Variants in DGLUCY observed in about 807,000 individuals in gnomAD.
The protein encoded by DGLUCY is D-glutamate cyclase.
In DGLUCY, 58 loss-of-function variants were observed where a neutral mutation model predicts 58.5. The observed-to-expected ratio is 0.99, with a 90% CI of 0.80 to 1.23. The LOEUF (loss-of-function observed/expected upper bound fraction) is 1.23, where lower values mean the gene tolerates loss of function less well. Among genes scored for constraint, DGLUCY ranks in the 50% most tolerant of loss-of-function variants. The pLI is 0.00. For missense variants in DGLUCY, 779 were observed against 784.7 expected (o/e 0.99, Z 0.09); for synonymous variants, 325 against 314.1 (o/e 1.03, Z -0.37).
At chr14:91,097,281 A>G (rs1372542482) in intron 1 of DGLUCY, among the ~76,000 whole-genome samples, 4 of 152,146 alleles carry the variant, frequency 2.6e-5, no homozygotes, top group Non-Finnish European at 4.4e-5. Context: ...CTGTGGTCCC[A>G]GCTACTTGGG....
At chr14:91,197,463 G>A (rs576561646) in intron 10 of DGLUCY, among the ~76,000 whole-genome samples, 2 of 152,272 alleles carry the variant, frequency 1.3e-5, no homozygotes, top group African/African-American at 4.8e-5. Flanking sequence ...TCACATTGCT[G>A]TACAGCCATC....
At chr14:91,119,150 C>G (rs527948730) in intron 1 of DGLUCY, among the ~76,000 whole-genome samples, 75 of 152,166 alleles carry the variant, frequency 4.9e-4, no homozygotes, top group African/African-American at 1.6e-3. Flanking sequence ...AATGGTCAGT[C>G]CAGGACAGGC....
rs952533205 is a variant in DGLUCY at position 91,175,889 on chromosome 14, G to A, written c.608-45G>A. 7 of 1,608,684 alleles carry A rather than the reference G, an allele frequency of 4.4e-6. No homozygotes were observed. In the African/African-American group the frequency reaches 9.4e-5, roughly 21 times the overall value. On this transcript the variant is annotated intron_variant, in intron 6 of 13. Coordinates refer to ENST00000256324, the MANE Select transcript of DGLUCY (RefSeq NM_001102368.3). Reference sequence around the variant, plus strand: ...TAAACTACTCAACCAGTTCTAATTGGATGCTCCCTGCTGAGGAAATTACAT... The same window carrying A: ...TAAACTACTCAACCAGTTCTAATTGAATGCTCCCTGCTGAGGAAATTACAT...
At chr14:91,108,526 T>TGTGTGTGTGTGTGAGA (rs1265665234) in intron 1 of DGLUCY, among the ~76,000 whole-genome samples, 37 of 52,174 alleles carry the variant, frequency 7.1e-4, no homozygotes, top group Non-Finnish European at 8.3e-4. Context: ...TGTGTGTGTG[T>TGTGTGTGTGTGTGAGA]GAGAGAGAGA....
At chr14:91,132,559 A>G (rs1312481997) in intron 1 of DGLUCY, among the ~76,000 whole-genome samples, 1 of 151,046 alleles carries the variant, frequency 6.6e-6, no homozygotes, top group Admixed American at 6.6e-5. Flanking sequence ...GCTCACCGCA[A>G]CCTCCACCTC....
chr14:91,171,429 C>T (rs887800308), intron 5 of DGLUCY, among the ~76,000 whole-genome samples: 4 of 152,230 alleles, frequency 2.6e-5, no homozygotes, highest in Admixed American at 1.3e-4. Flanking sequence ...AGTCTAATAT[C>T]GACACCTCTG....
chr14:91,082,994 G>C (rs112702439), intron 1 of DGLUCY, among the ~76,000 whole-genome samples: 2,170 of 152,248 alleles, frequency 0.014, 47 homozygotes, highest in African/African-American at 0.05. Flanking sequence ...CTGAGCTCAA[G>C]TGATCCTCCT....
chr14:91,074,133 A>ACC, intron 1 of DGLUCY, among the ~76,000 whole-genome samples: 1 of 135,796 alleles, frequency 7.4e-6, no homozygotes, highest in Non-Finnish European at 1.5e-5. Flanking sequence ...ACACACACAC[A>ACC]CACACACACA....
At chr14:91,152,361 G>A (rs1050308034) in intron 1 of DGLUCY, among the ~76,000 whole-genome samples, 1 of 151,986 alleles carries the variant, frequency 6.6e-6, no homozygotes, top group African/African-American at 2.4e-5. Context: ...TGCACTACCT[G>A]CACTCCAGCC....
chr14:91,108,546 A>AGAGG (rs1419972498), intron 1 of DGLUCY, among the ~76,000 whole-genome samples: 1 of 149,284 alleles, frequency 6.7e-6, no homozygotes, highest in Non-Finnish European at 1.5e-5. Context: ...AGAGAGAGAG[A>AGAGG]GAGAGAGAGA....
intron 2 of DGLUCY, among the ~76,000 whole-genome samples, chr14:91,159,800 C>T (rs2047876033): frequency 1.3e-5 from 2 of 152,182 alleles, no homozygotes; most frequent in Admixed American, 6.5e-5. Flanking sequence ...GTTCATTCAA[C>T]TGTGTGTATT....
chr14:91,093,923 G>A (rs2044352335), intron 1 of DGLUCY, among the ~76,000 whole-genome samples: 1 of 152,068 alleles, frequency 6.6e-6, no homozygotes, highest in Non-Finnish European at 1.5e-5. Flanking sequence ...ATAGAGGGAG[G>A]AGGCAGATCA....
intron 11 of DGLUCY, among the ~76,000 whole-genome samples, chr14:91,201,980 A>C (rs1370233298): frequency 1.3e-5 from 2 of 151,724 alleles, no homozygotes; most frequent in African/African-American, 4.8e-5. Context: ...GCTTGAACCC[A>C]GGAGGTGGAA....
chr14:91,111,818 A>G (rs1052894518), upstream of DGLUCY, among the ~76,000 whole-genome samples: 3 of 152,246 alleles, frequency 2.0e-5, no homozygotes, highest in African/African-American at 7.2e-5. Context: ...ATGTTGTAGC[A>G]TGTATAGGAA....
At chr14:91,084,496 C>T (rs112027443) in intron 1 of DGLUCY, among the ~76,000 whole-genome samples, 2,464 of 152,210 alleles carry the variant, frequency 0.016, 29 homozygotes, top group Non-Finnish European at 0.025. Flanking sequence ...TGAGCCACCA[C>T]GCCCAGCCCA....
At chr14:91,093,198 T>C (rs905017931) in intron 1 of DGLUCY, among the ~76,000 whole-genome samples, 3 of 152,136 alleles carry the variant, frequency 2.0e-5, no homozygotes, top group Non-Finnish European at 4.4e-5. Flanking sequence ...AATGATGATA[T>C]AATAATTAAT....
At chr14:91,222,916 G>A (rs1887724925) in intron 13 of DGLUCY, among the ~76,000 whole-genome samples, 1 of 152,214 alleles carries the variant, frequency 6.6e-6, no homozygotes, top group East Asian at 1.9e-4. Context: ...GCTTACAGAT[G>A]GCCGCCTTCT....
intron 1 of DGLUCY, among the ~76,000 whole-genome samples, chr14:91,063,764 G>C (rs2043772584): frequency 6.6e-6 from 1 of 152,236 alleles, no homozygotes; most frequent in African/African-American, 2.4e-5. Flanking sequence ...CGGTCAGGAA[G>C]TATGTGGTTG....
intron 7 of DGLUCY, among the ~76,000 whole-genome samples, chr14:91,177,786 A>G (rs1240641993): frequency 1.3e-5 from 2 of 152,240 alleles, no homozygotes; most frequent in Non-Finnish European, 2.9e-5. Context: ...GTGGCTGCCA[A>G]GATCCACAGG....
Sources: allele counts gnomAD v4.1 joint callset (sites outside exome capture counted in the v4.1 genomes callset), GRCh38; gene constraint gnomAD v4.1.1; transcripts MANE v1.5; gene names NCBI Gene and HGNC (gene_info 2026-07-23, HGNC 2026-07-21).